The following DLGAP2 variants were observed in gnomAD, a reference collection of about 807,000 sequenced individuals.
DLGAP2 encodes disks large-associated protein 2.
Under a neutral mutation model 100.3 loss-of-function variants are expected in DLGAP2, and 26 were observed. The observed-to-expected ratio is 0.26, with a 90% CI of 0.19 to 0.36. The LOEUF (loss-of-function observed/expected upper bound fraction) is 0.36, where lower values mean the gene tolerates loss of function less well. DLGAP2 is among the 10% of genes least tolerant of loss of function. DLGAP2 has a pLI of 1.00. For missense variants in DLGAP2, 1,858 were observed against 1,453.2 expected (o/e 1.28, Z -4.53); for synonymous variants, 886 against 630.1 (o/e 1.41, Z -6.08).
intron 2 of DLGAP2, among the ~76,000 whole-genome samples, chr8:1,239,369 C>T (rs1420811466): frequency 4.4e-5 from 1 of 22,484 alleles, no homozygotes; most frequent in Non-Finnish European, 7.9e-5. Context: ...CACATGGCGC[C>T]GTGTCTAGTT....
intron 2 of DLGAP2, among the ~76,000 whole-genome samples, chr8:1,257,214 A>G (rs1799243623): frequency 6.6e-6 from 1 of 151,740 alleles, no homozygotes; most frequent in Admixed American, 6.6e-5. Context: ...CCGCTCACCC[A>G]CAGAGCCCGA....
intron 6 of DLGAP2, chr8:1,620,486 G>C (rs1317843903): frequency 6.6e-6 from 1 of 152,322 alleles, no homozygotes; most frequent in Admixed American, 6.5e-5. Flanking sequence ...CACTTGCTCT[G>C]TTCTTTCACA....
rs939277475 is a variant in DLGAP2, at chr8:1,578,105, AGT to A, written c.1442+12214_1442+12215del. Among the ~76,000 whole-genome samples the A allele has an allele frequency of 2.3e-4, 35 of 152,192 alleles. 1 individual carries two copies. ...GAAAGTAATTGGATACAGTGCACTG[AGT>A]GTTTTTCTCTTTTTTGCACAAAAGA... On this transcript the variant is annotated intron_variant, in intron 6 of 14. Coordinates refer to ENST00000637795, the MANE Select transcript of DLGAP2 (RefSeq NM_001346810.2).
intron 2 of DLGAP2, among the ~76,000 whole-genome samples, chr8:1,160,200 G>A (rs1294187113): frequency 1.3e-5 from 2 of 152,272 alleles, no homozygotes; most frequent in Admixed American, 6.5e-5. Context: ...TCAGTTCACC[G>A]TAGAAAACAC....
chr8:1,595,724 T>A lies in DLGAP2; in HGVS notation c.1442+29830T>A, dbSNP rs1340656397. ...GTCATTCCGGAAGCCCCCAGCGAGC[T>A]CCCCACCCAGTTACTCCCTTCTTCC... On this transcript the variant is annotated intron_variant, in intron 6 of 14. Coordinates refer to ENST00000637795, the MANE Select transcript of DLGAP2 (RefSeq NM_001346810.2). Among the ~76,000 whole-genome samples the A allele has an allele frequency of 2.0e-5, 3 of 149,702 alleles. No homozygotes were observed. The East Asian group carries it at 5.9e-4, about 29-fold the overall frequency.
intron 3 of DLGAP2, among the ~76,000 whole-genome samples, chr8:1,449,245 A>T (rs530969484): frequency 6.6e-6 from 1 of 152,208 alleles, no homozygotes; most frequent in African/African-American, 2.4e-5. Context: ...ACACGTACCA[A>T]TGAAGTCCTC....
chr8:1,113,953 A>G (rs1344414425), intron 2 of DLGAP2, among the ~76,000 whole-genome samples: 8 of 152,192 alleles, frequency 5.3e-5, no homozygotes, highest in Admixed American at 5.2e-4. Context: ...TATTGAGACA[A>G]TCATATGGTT....
At chr8:782,702 C>A (rs28625819) in intron 1 of DLGAP2, among the ~76,000 whole-genome samples, 32,928 of 152,104 alleles carry the variant, frequency 0.22, 4,248 homozygotes, top group Non-Finnish European at 0.29. Context: ...ACCTGTTTTT[C>A]TCTACTCATC....
chr8:1,222,457 G>C (rs1445124531), intron 2 of DLGAP2, among the ~76,000 whole-genome samples: 1 of 152,178 alleles, frequency 6.6e-6, no homozygotes, highest in Non-Finnish European at 1.5e-5. Context: ...TGCTGTGCTG[G>C]AGGGGCCAAG....
chr8:950,983 C>G (rs1260109708), intron 2 of DLGAP2, among the ~76,000 whole-genome samples: 9 of 152,098 alleles, frequency 5.9e-5, no homozygotes, highest in Non-Finnish European at 1.5e-5. Flanking sequence ...ACCTGTATCT[C>G]CTGCCCTGCA....
chr8:1,387,600 G>A (rs563847694), intron 3 of DLGAP2, among the ~76,000 whole-genome samples: 2 of 152,188 alleles, frequency 1.3e-5, no homozygotes, highest in Admixed American at 6.5e-5. Flanking sequence ...GGTGAATTTC[G>A]TGTATGTTCT....
At chr8:1,292,175 G>T (rs1563064962) in intron 3 of DLGAP2, among the ~76,000 whole-genome samples, 1 of 152,208 alleles carries the variant, frequency 6.6e-6, no homozygotes, top group Non-Finnish European at 1.5e-5. Context: ...GGGGAAGCAT[G>T]CTTTGCTCAT....
chr8:1,330,168 C>T (rs1267014900), intron 3 of DLGAP2, among the ~76,000 whole-genome samples: 1 of 152,022 alleles, frequency 6.6e-6, no homozygotes, highest in African/African-American at 2.4e-5. Flanking sequence ...CCAACAGGTG[C>T]TGGCCGTGGT....
chr8:1,027,271 C>A (rs973802035), intron 2 of DLGAP2, among the ~76,000 whole-genome samples: 3 of 152,208 alleles, frequency 2.0e-5, no homozygotes, highest in African/African-American at 7.2e-5. Context: ...TAGTTACACG[C>A]CCGTGGTGCT....
rs1188046198 is a variant in DLGAP2 at position 1,707,108 on chromosome 8, A to G, written c.*5702A>G. The G allele has an allele frequency of 6.5e-6, 1 of 152,680 alleles. No individual in the cohort carries two copies. The highest frequency in any genetic ancestry group is 1.5e-5 in the Non-Finnish European group (1 of 68,052). The allele number at this position is 152,680 out of a possible 1,614,324, so 9.5% of individuals were successfully genotyped here. On this transcript the variant is annotated 3_prime_UTR_variant, in exon 15 of 15. Transcript: ENST00000637795. Reference sequence around the variant, plus strand: ...TTTAACAGATTTTGTATATACACACACAAGTTGACAGAGGTTTACCTCCCT... The same window carrying G: ...TTTAACAGATTTTGTATATACACACGCAAGTTGACAGAGGTTTACCTCCCT...
intron 3 of DLGAP2, among the ~76,000 whole-genome samples, chr8:1,381,782 A>AGTGTGTGTGTGTGTGTGTGT (rs72529197): frequency 7.1e-6 from 1 of 141,694 alleles, no homozygotes; most frequent in South Asian, 2.3e-4. Flanking sequence ...GGGTTATTCT[A>AGTGTGTGTGTGTGTGTGTGT]GTGTGTGTGT....
At chr8:1,447,754 C>A (rs977923790) in intron 3 of DLGAP2, among the ~76,000 whole-genome samples, 10 of 152,324 alleles carry the variant, frequency 6.6e-5, no homozygotes, top group African/African-American at 2.2e-4. Context: ...ATTATTGCCA[C>A]AATTTCAGAG....
intron 8 of DLGAP2, among the ~76,000 whole-genome samples, chr8:1,643,436 C>T (rs1199783756): frequency 1.1e-4 from 2 of 18,192 alleles, no homozygotes; most frequent in African/African-American, 7.8e-4. Context: ...AACCCGCCGG[C>T]CCTCACCTGT....
In DLGAP2 at chr8:964,564, G is replaced by T. The variant is rs543461322; in HGVS notation, c.73+56598G>T. Among the ~76,000 whole-genome samples the T allele has an allele frequency of 3.9e-5, 6 of 152,370 alleles. No homozygotes were observed. In the South Asian group the frequency reaches 8.3e-4, roughly 21 times the overall value. The stretch of plus-strand genomic sequence containing the variant: ...ACAGAGTCCTTGGGAAATGTTGCTG[G>T]TATCTGCCGTGTTCCCCACGCGGGA... On this transcript the variant is annotated intron_variant, in intron 2 of 14. Transcript: ENST00000637795.
Sources: allele counts gnomAD v4.1 joint callset (sites outside exome capture counted in the v4.1 genomes callset), GRCh38; gene constraint gnomAD v4.1.1; transcripts MANE v1.5; gene names NCBI Gene and HGNC (gene_info 2026-07-23, HGNC 2026-07-21).